Variants in CCDC3 observed in about 807,000 individuals in gnomAD.
The protein encoded by CCDC3 is coiled-coil domain containing 3.
Under a neutral mutation model 21.4 loss-of-function variants are expected in CCDC3, and 24 were observed. The observed-to-expected ratio is 1.12, with a 90% CI of 0.81 to 1.58. CCDC3 has a LOEUF of 1.58. Among genes scored for constraint, CCDC3 ranks in the 40% most tolerant of loss-of-function variants. CCDC3 has a pLI of 0.00. For missense variants in CCDC3, 425 were observed against 360.9 expected (o/e 1.18, Z -1.44); for synonymous variants, 186 against 166.0 (o/e 1.12, Z -0.93).
intron 3 of CCDC3, among the ~76,000 whole-genome samples, chr10:13,089,062 T>C (rs1237338145): frequency 2.0e-5 from 3 of 151,818 alleles, no homozygotes; most frequent in African/African-American, 7.3e-5. Flanking sequence ...TTGAGATATA[T>C]GTAGAACAGG....
intron 3 of CCDC3, among the ~76,000 whole-genome samples, chr10:13,078,098 A>G (rs1342432901): frequency 6.6e-6 from 1 of 152,220 alleles, no homozygotes. Context: ...GAAAATTTTT[A>G]CAATCTACCC....
At chr10:12,962,685 A>G (rs534438589) in intron 2 of CCDC3, among the ~76,000 whole-genome samples, 1 of 152,376 alleles carries the variant, frequency 6.6e-6, no homozygotes, top group East Asian at 1.9e-4. Context: ...AAAATGACAC[A>G]TCAAGGGGTC....
intron 2 of CCDC3, among the ~76,000 whole-genome samples, chr10:12,964,516 T>C (rs529225104): frequency 3.9e-5 from 6 of 152,336 alleles, no homozygotes; most frequent in South Asian, 2.1e-4. Flanking sequence ...TGAAGGAATC[T>C]AGCCTGAGAA....
At chr10:12,951,920 C>T (rs906331090) in intron 2 of CCDC3, among the ~76,000 whole-genome samples, 2 of 151,330 alleles carry the variant, frequency 1.3e-5, no homozygotes, top group African/African-American at 4.9e-5. Context: ...TGTAAGAACT[C>T]CTCTTTTTAT....
intron 2 of CCDC3, among the ~76,000 whole-genome samples, chr10:12,991,816 T>C (rs1208993328): frequency 6.6e-6 from 1 of 152,142 alleles, no homozygotes. Flanking sequence ...TTAGAAGCAA[T>C]GCGGGGATCT....
intron 3 of CCDC3, among the ~76,000 whole-genome samples, chr10:13,097,990 G>A (rs1210266858): frequency 6.6e-6 from 1 of 152,170 alleles, no homozygotes; most frequent in Non-Finnish European, 1.5e-5. Flanking sequence ...CTGGATTTGG[G>A]AGTGTACTAT....
chr10:12,982,028 A>G (rs948921602), intron 2 of CCDC3, among the ~76,000 whole-genome samples: 1 of 146,930 alleles, frequency 6.8e-6, no homozygotes, highest in Non-Finnish European at 1.5e-5. Context: ...AGGCTGACGC[A>G]GGAGAATTGC....
At chr10:12,925,639 C>A (rs1271177795) in intron 2 of CCDC3, among the ~76,000 whole-genome samples, 1 of 152,240 alleles carries the variant, frequency 6.6e-6, no homozygotes, top group Non-Finnish European at 1.5e-5. Flanking sequence ...ACTCTTGCCT[C>A]TGGAGTCACA....
At chr10:13,071,332 T>C (rs1836880337) in intron 4 of CCDC3, among the ~76,000 whole-genome samples, 1 of 152,160 alleles carries the variant, frequency 6.6e-6, no homozygotes, top group African/African-American at 2.4e-5. Context: ...CCAAATTCAA[T>C]TCCAAACTTC....
At chr10:13,009,549 G>C (rs1302873541) in intron 5 of CCDC3, among the ~76,000 whole-genome samples, 1 of 152,162 alleles carries the variant, frequency 6.6e-6, no homozygotes, top group African/African-American at 2.4e-5. Context: ...GCAATAAAGT[G>C]TGATTTGGTG....
intron 2 of CCDC3, among the ~76,000 whole-genome samples, chr10:12,905,112 C>T (rs1213498189): frequency 6.6e-6 from 1 of 152,124 alleles, no homozygotes; most frequent in Non-Finnish European, 1.5e-5. Context: ...AGCAACAACA[C>T]AGACAAATAG....
At chr10:13,041,503 A>G (rs1056652979) in intron 5 of CCDC3, among the ~76,000 whole-genome samples, 1 of 84,126 alleles carries the variant, frequency 1.2e-5, no homozygotes, top group African/African-American at 6.2e-5. Flanking sequence ...TCTGGCAGAT[A>G]ATTTTTTTTT....
chr10:12,988,286 C>G (rs1368016874), intron 2 of CCDC3, among the ~76,000 whole-genome samples: 1 of 152,124 alleles, frequency 6.6e-6, no homozygotes, highest in African/African-American at 2.4e-5. Flanking sequence ...ATGGCTGGTT[C>G]TGTGTCCTTC....
intron 2 of CCDC3, among the ~76,000 whole-genome samples, chr10:12,934,218 T>C (rs747500354): frequency 3.9e-5 from 6 of 152,266 alleles, no homozygotes; most frequent in Non-Finnish European, 8.8e-5. Context: ...AAATGTCTTG[T>C]ACAGTCTCCA....
At chr10:12,940,238 T>G (rs1013456155) in intron 2 of CCDC3, among the ~76,000 whole-genome samples, 5 of 147,160 alleles carry the variant, frequency 3.4e-5, no homozygotes, top group Non-Finnish European at 6.1e-5. Context: ...TGTTTTTTTT[T>G]TTTTTTTTTT....
intron 2 of CCDC3, among the ~76,000 whole-genome samples, chr10:12,934,874 C>T (rs1589012544): frequency 6.6e-6 from 1 of 152,120 alleles, no homozygotes; most frequent in South Asian, 2.1e-4. Flanking sequence ...CTCAATCTTC[C>T]TACCTCGGCC....
At chr10:13,058,371 G>A in intron 4 of CCDC3, 1 of 1,038,486 alleles carries the variant, frequency 9.6e-7, no homozygotes, top group Non-Finnish European at 1.5e-6. Flanking sequence ...GTCAGCAGCA[G>A]TCCAGGACAA....
intron 3 of CCDC3, among the ~76,000 whole-genome samples, chr10:13,090,063 A>ACCGTTTCTTTCTTTTT (rs1564345350): frequency 1.8e-5 from 1 of 56,942 alleles, no homozygotes; most frequent in Non-Finnish European, 3.3e-5. Flanking sequence ...ATATATATAT[A>ACCGTTTCTTTCTTTTT]TATATATATA....
intron 2 of CCDC3, among the ~76,000 whole-genome samples, chr10:12,961,577 C>A (rs779022196): frequency 3.3e-5 from 5 of 152,148 alleles, no homozygotes; most frequent in African/African-American, 4.8e-5. Context: ...TCTGGGACCA[C>A]GGCATGAAGC....
Sources: gnomAD v4.1 joint callset for allele counts (sites outside exome capture counted in the v4.1 genomes callset) on GRCh38, gnomAD v4.1.1 for gene constraint, MANE v1.5 for transcripts, NCBI Gene and HGNC (gene_info 2026-07-23, HGNC 2026-07-21) for gene names.